The following UBXN2A variants were observed in gnomAD, a reference collection of about 807,000 sequenced individuals.
UBXN2A encodes UBX domain protein 2A.
UBXN2A carries 28 observed loss-of-function variants against 28.4 expected under a neutral mutation model. That is an observed-to-expected ratio of 0.99 (90% CI 0.73 to 1.35). The LOEUF (loss-of-function observed/expected upper bound fraction) is 1.35. Ranked by LOEUF, UBXN2A falls within the 40% of genes most tolerant of loss-of-function variation. UBXN2A has a pLI of 0.00. For missense variants in UBXN2A, 253 were observed against 297.9 expected, an observed-to-expected ratio of 0.85 and a Z score of 1.11; for synonymous variants, 97 against 103.6, an observed-to-expected ratio of 0.94 and a Z score of 0.39.
chr2:23,985,252 T>C (rs1708079049), intron 6 of UBXN2A, among the ~76,000 whole-genome samples: 1 of 151,726 alleles, frequency 6.6e-6, no homozygotes, highest in Admixed American at 6.6e-5. Context: ...ATTTTATTTA[T>C]TTATTTATTT....
At chr2:23,982,342 G>C (rs1422746959) in intron 4 of UBXN2A, among the ~76,000 whole-genome samples, 1 of 151,966 alleles carries the variant, frequency 6.6e-6, no homozygotes. Flanking sequence ...AGTCCAGCCT[G>C]GGCGACAGAG....
chr2:23,995,190 G>C (rs1391134006), intron 6 of UBXN2A, among the ~76,000 whole-genome samples: 1 of 151,748 alleles, frequency 6.6e-6, no homozygotes, highest in Non-Finnish European at 1.5e-5. Flanking sequence ...CCAGCTTCTT[G>C]TCTCTCCTTG....
intron 1 of UBXN2A, among the ~76,000 whole-genome samples, chr2:23,952,638 T>G (rs1573546292): frequency 6.7e-6 from 1 of 149,764 alleles, no homozygotes; most frequent in Non-Finnish European, 1.5e-5. Flanking sequence ...TAGAGACGGG[T>G]TTCACCATGT....
intron 1 of UBXN2A, among the ~76,000 whole-genome samples, chr2:23,956,140 A>G (rs1225945101): frequency 6.6e-6 from 1 of 151,766 alleles, no homozygotes; most frequent in African/African-American, 2.4e-5. Flanking sequence ...CTGGGAGTAC[A>G]GGCATGAGCC....
chr2:23,942,629 G>A (rs925917527), intron 1 of UBXN2A, among the ~76,000 whole-genome samples: 1 of 151,836 alleles, frequency 6.6e-6, no homozygotes, highest in African/African-American at 2.4e-5. Context: ...GTGTTGGTCA[G>A]ACTGGTCTCA....
intron 2 of UBXN2A, among the ~76,000 whole-genome samples, chr2:23,966,955 C>T (rs1042468205): frequency 2.6e-5 from 4 of 151,366 alleles, no homozygotes; most frequent in East Asian, 1.9e-4. Context: ...GATGGGATTT[C>T]GCCATGTTGC....
chr2:23,971,225 T>A (rs376286434), intron 2 of UBXN2A, 51 bp from the exon 3 acceptor site: 19 of 1,439,920 alleles, frequency 1.3e-5, no homozygotes, highest in Non-Finnish European at 1.8e-5. Context: ...AATAAGTAAA[T>A]TTTTAGAGAC....
intron 6 of UBXN2A, among the ~76,000 whole-genome samples, chr2:23,985,424 T>G (rs1395107072): frequency 6.6e-6 from 1 of 152,086 alleles, no homozygotes; most frequent in Non-Finnish European, 1.5e-5. Context: ...AATTTTTGTA[T>G]TTTTAGTAGA....
At chr2:23,976,173 A>G (rs114089062) in intron 3 of UBXN2A, among the ~76,000 whole-genome samples, 5,899 of 152,268 alleles carry the variant, frequency 0.039, 109 homozygotes, top group Admixed American at 0.046. Context: ...ATTGTTATTT[A>G]TATCTGTAAA....
In UBXN2A at chr2:23,984,814, AT is replaced by A; in HGVS notation, c.570del (p.Phe190LeufsTer7). 6.4e-7 allele frequency: 1 copy of A among 1,553,736 alleles called. No homozygotes were observed. Among genetic ancestry groups the A allele is most frequent in the East Asian group, 2.5e-5 (1 of 40,528 alleles). On this transcript the variant is annotated frameshift_variant, in exon 6 of 7. Coordinates refer to ENST00000309033, the MANE Select transcript of UBXN2A (RefSeq NM_181713.4). LOFTEE classifies it high-confidence loss of function. ...CCAATGGAAAAAGGATTGTCCAGAA[AT>A]TTAACATTACTCATAGGTGAGTCTT... ...LANGKRIVQK[F>X]NITHRVSHIK...
Position 24,001,404 on chromosome 2 carries a change from G to C in UBXN2A, c.*1537G>C, listed in dbSNP as rs950660869. 2.0e-5 allele frequency: 3 copies of C among 152,074 alleles called. No homozygotes were observed. The highest frequency in any genetic ancestry group is 2.0e-4 in the Admixed American group (3 of 15,246). The allele number at this position is 152,074 out of a possible 1,614,324, so 9.4% of individuals were successfully genotyped here. A position where few individuals can be genotyped will look rare whatever the true frequency, so the allele number is the denominator to read the frequency against. ...CTCAGACTTTAACTAAATCCAGTTA[G>C]ACCTCAATTTTTCACTGTCAGATTA... On this transcript the variant is annotated 3_prime_UTR_variant, in exon 7 of 7. Transcript: ENST00000309033.
intron 6 of UBXN2A, among the ~76,000 whole-genome samples, chr2:23,989,211 A>G (rs1277499091): frequency 2.6e-5 from 4 of 152,140 alleles, no homozygotes; most frequent in Admixed American, 2.6e-4. Context: ...ACCAAAATCA[A>G]CAAAGACACA....
intron 4 of UBXN2A, among the ~76,000 whole-genome samples, chr2:23,980,120 C>G (rs553648952): frequency 6.6e-6 from 1 of 152,248 alleles, no homozygotes; most frequent in East Asian, 1.9e-4. Context: ...CTAGAAGTCA[C>G]TCTCCATTTT....
At chr2:23,932,328 GGGGAA>G (rs1161542723) in intron 1 of UBXN2A, among the ~76,000 whole-genome samples, 1 of 104,076 alleles carries the variant, frequency 9.6e-6, no homozygotes, top group Non-Finnish European at 2.0e-5. Context: ...CTCCGTCTTG[GGGGAA>G]AAAAAAAAAA....
intron 1 of UBXN2A, among the ~76,000 whole-genome samples, chr2:23,943,030 A>G (rs1028034627): frequency 4.0e-5 from 6 of 150,670 alleles, no homozygotes; most frequent in Non-Finnish European, 7.4e-5. Context: ...ATCTCCGCTC[A>G]CTGCAACCTC....
intron 1 of UBXN2A, among the ~76,000 whole-genome samples, chr2:23,932,142 A>AC (rs1705389143): frequency 3.3e-5 from 5 of 151,920 alleles, no homozygotes; most frequent in Admixed American, 2.0e-4. Flanking sequence ...ACATGGTGAA[A>AC]CCCCATCTCT....
chr2:23,992,723 C>T (rs1472347397), intron 6 of UBXN2A, among the ~76,000 whole-genome samples: 1 of 152,170 alleles, frequency 6.6e-6, no homozygotes, highest in Non-Finnish European at 1.5e-5. Flanking sequence ...TCTCTCAATC[C>T]TTGGTAATGC....
At chr2:23,990,030 C>G (rs1708294445) in intron 6 of UBXN2A, among the ~76,000 whole-genome samples, 1 of 152,096 alleles carries the variant, frequency 6.6e-6, no homozygotes. Context: ...CTATATGTGA[C>G]CAATGTCCTT....
At chr2:23,996,065 A>ATT (rs1019784685) in intron 6 of UBXN2A, among the ~76,000 whole-genome samples, 14,427 of 114,168 alleles carry the variant, frequency 0.13, 956 homozygotes, top group Middle Eastern at 0.23. Context: ...CGCCTGGCTA[A>ATT]TTTTTTTTTT....
Sources: allele counts gnomAD v4.1 joint callset (sites outside exome capture counted in the v4.1 genomes callset), GRCh38; gene constraint gnomAD v4.1.1; transcripts MANE v1.5; gene names NCBI Gene and HGNC (gene_info 2026-07-23, HGNC 2026-07-21).